Variants in PHEX observed in about 807,000 individuals in gnomAD.
PHEX encodes phosphate regulating endopeptidase X-linked.
PHEX carries 16 observed loss-of-function variants against 68.0 expected under a neutral mutation model. The ratio of observed to expected loss-of-function variants is 0.24; its 90% CI spans 0.16 to 0.36. The LOEUF is 0.36. PHEX is among the 10% of genes least tolerant of loss of function. PHEX has a pLI of 1.00. For missense variants in PHEX, 480 were observed against 575.5 expected, an observed-to-expected ratio of 0.83 and a Z score of 1.70; for synonymous variants, 208 against 205.1, an observed-to-expected ratio of 1.01 and a Z score of -0.12.
At chrX:22,049,179 G>A (rs1230047302) in intron 3 of PHEX, among the ~76,000 whole-genome samples, 1 of 111,137 alleles carries the variant, frequency 9.0e-6, no homozygotes, top group African/African-American at 3.3e-5. Flanking sequence ...CACGATCTCG[G>A]CTCACTGCAA....
At chrX:22,177,915 G>A (rs1933759406) in intron 13 of PHEX, among the ~76,000 whole-genome samples, 1 of 111,973 alleles carries the variant, frequency 8.9e-6, no homozygotes, top group Non-Finnish European at 1.9e-5. Flanking sequence ...TTTTAAAAAA[G>A]ATCAAGGACT....
chrX:22,123,447 G>GAA (rs1569401454), intron 11 of PHEX, among the ~76,000 whole-genome samples: 2 of 111,397 alleles, frequency 1.8e-5, no homozygotes, highest in African/African-American at 6.5e-5. Flanking sequence ...AATCTATGTA[G>GAA]AAGGCCTAGC....
At chrX:22,098,813 A>AAG (rs1278761824) in intron 8 of PHEX, among the ~76,000 whole-genome samples, 193 bp from the exon 9 acceptor site, 1 of 102,870 alleles carries the variant, frequency 9.7e-6, no homozygotes, top group East Asian at 3.0e-4. Flanking sequence ...AAAAAAAAAA[A>AAG]AAAAAAAAAA....
intron 3 of PHEX, among the ~76,000 whole-genome samples, chrX:22,069,174 A>C (rs755192676): frequency 9.0e-6 from 1 of 111,666 alleles, no homozygotes; most frequent in Non-Finnish European, 1.9e-5. Flanking sequence ...AGTTAGTAGT[A>C]AAAATGCTAT....
At chrX:22,052,129 C>A (rs1469478934) in intron 3 of PHEX, among the ~76,000 whole-genome samples, 1 of 112,237 alleles carries the variant, frequency 8.9e-6, no homozygotes, top group Admixed American at 9.5e-5. Context: ...AAGAAGCATA[C>A]TTCACCACCC....
intron 15 of PHEX, among the ~76,000 whole-genome samples, chrX:22,202,487 A>G (rs1934587179): frequency 8.9e-6 from 1 of 112,094 alleles, no homozygotes; most frequent in Non-Finnish European, 1.9e-5. Context: ...ACAAATTTGT[A>G]TTTCCAGTAA....
intron 11 of PHEX, among the ~76,000 whole-genome samples, chrX:22,132,958 C>T (rs1285903188): frequency 9.1e-6 from 1 of 110,449 alleles, no homozygotes; most frequent in Non-Finnish European, 1.9e-5. Flanking sequence ...GCAGTCATGG[C>T]TCACTGCAAC....
At chrX:22,228,120 T>A in intron 20 of PHEX, among the ~76,000 whole-genome samples, 1 of 112,047 alleles carries the variant, frequency 8.9e-6, no homozygotes, top group Non-Finnish European at 1.9e-5. Context: ...GTCACTCTTT[T>A]GTGAGTTTAA....
chrX:22,123,827 CT>C (rs1282832525), intron 11 of PHEX, among the ~76,000 whole-genome samples: 3 of 101,145 alleles, frequency 3.0e-5, no homozygotes, highest in African/African-American at 1.3e-4. Flanking sequence ...AATATAATTT[CT>C]TTTTCTTTTT....
chrX:22,071,662 T>A (rs1928905842), intron 3 of PHEX, among the ~76,000 whole-genome samples: 1 of 112,652 alleles, frequency 8.9e-6, no homozygotes, highest in Non-Finnish European at 1.9e-5. Context: ...ACCAAAAATA[T>A]CTTTATTATT....
At chrX:22,102,596 C>A (rs1471351259) in intron 9 of PHEX, among the ~76,000 whole-genome samples, 1 of 111,971 alleles carries the variant, frequency 8.9e-6, no homozygotes, top group Non-Finnish European at 1.9e-5. Context: ...AACCAGATAC[C>A]CCATCACCAC....
intron 9 of PHEX, among the ~76,000 whole-genome samples, chrX:22,109,287 T>C (rs1188688084): frequency 8.9e-6 from 1 of 112,384 alleles, no homozygotes; most frequent in African/African-American, 3.2e-5. Flanking sequence ...TTTATATTCA[T>C]TGTCATTGTT....
chrX:22,203,774 A>T (rs1186979737), intron 15 of PHEX, among the ~76,000 whole-genome samples: 1 of 112,114 alleles, frequency 8.9e-6, no homozygotes, highest in Non-Finnish European at 1.9e-5. Context: ...AGGCATGTAA[A>T]GTTTCAGTTT....
chrX:22,143,933 A>G (rs1450901941), intron 12 of PHEX, among the ~76,000 whole-genome samples: 2 of 112,097 alleles, frequency 1.8e-5, no homozygotes, highest in Non-Finnish European at 1.9e-5. Flanking sequence ...TCCTGTAGGG[A>G]AAGAAGTATG....
intron 12 of PHEX, among the ~76,000 whole-genome samples, chrX:22,142,112 T>C (rs1267355654): frequency 2.7e-5 from 3 of 110,692 alleles, no homozygotes; most frequent in South Asian, 7.6e-4. Context: ...ATTAGCCGGG[T>C]GTGGTGGCAG....
At chrX:22,158,388 T>A (rs766600766) in intron 12 of PHEX, among the ~76,000 whole-genome samples, 9 of 112,371 alleles carry the variant, frequency 8.0e-5, no homozygotes, top group Non-Finnish European at 1.7e-4. Context: ...CTATAAATTT[T>A]TTATGAAAGG....
chrX:22,177,473 G>C (rs1933746095), intron 13 of PHEX, among the ~76,000 whole-genome samples: 1 of 111,469 alleles, frequency 9.0e-6, no homozygotes, highest in Non-Finnish European at 1.9e-5. Context: ...GCTAGGTTAG[G>C]TATTGCTAGT....
intron 9 of PHEX, among the ~76,000 whole-genome samples, chrX:22,105,235 CAT>C (rs1304322024): frequency 8.9e-6 from 1 of 112,289 alleles, no homozygotes; most frequent in Non-Finnish European, 1.9e-5. Flanking sequence ...CCAGGGGACT[CAT>C]ATATACATTC....
At chrX:22,127,851 T>G (rs1773196997) in intron 11 of PHEX, among the ~76,000 whole-genome samples, 1 of 106,062 alleles carries the variant, frequency 9.4e-6, no homozygotes, top group Non-Finnish European at 1.9e-5. Context: ...CCACAAAGAG[T>G]GAGTTACCGA....
Sources: allele counts gnomAD v4.1 joint callset (sites outside exome capture counted in the v4.1 genomes callset), GRCh38; gene constraint gnomAD v4.1.1; transcripts MANE v1.5; gene names NCBI Gene and HGNC (gene_info 2026-07-23, HGNC 2026-07-21).